The following CUTC variants were observed in gnomAD, a reference collection of about 807,000 sequenced individuals.
The protein encoded by CUTC is cutC copper transporter.
A neutral mutation model predicts 36.2 loss-of-function variants in CUTC; 27 were observed. The observed-to-expected ratio is 0.75, with a 90% confidence interval of 0.55 to 1.03. CUTC has a LOEUF of 1.03. Ranked by LOEUF, CUTC falls within the 50% of genes least tolerant of loss-of-function variation. The pLI is 0.00. For synonymous variants in CUTC, 114 were observed against 118.3 expected, an observed-to-expected ratio of 0.96 and a Z score of 0.24; for missense variants, 315 against 343.5, an observed-to-expected ratio of 0.92 and a Z score of 0.66.
At chr10:99,739,168 C>T (rs2037320426) in intron 2 of CUTC, among the ~76,000 whole-genome samples, 1 of 151,978 alleles carries the variant, frequency 6.6e-6, no homozygotes. Context: ...TATTGATGAA[C>T]AAAATGTTCT....
At chr10:99,733,685 TA>T (rs1462606450) in intron 1 of CUTC, among the ~76,000 whole-genome samples, 2 of 152,234 alleles carry the variant, frequency 1.3e-5, no homozygotes, top group Non-Finnish European at 2.9e-5. Flanking sequence ...AAAAGTCAAA[TA>T]AAGTGTTAGA....
At chr10:99,732,596 C>A in intron 1 of CUTC, 187 bp downstream of exon 1, 1 of 1,434,010 alleles carries the variant, frequency 7.0e-7, no homozygotes, top group Non-Finnish European at 9.1e-7. Flanking sequence ...GGGCAGGTAG[C>A]GAGAATGGCT....
chr10:99,753,172 A>C (rs1367211056), intron 7 of CUTC, among the ~76,000 whole-genome samples: 1 of 152,244 alleles, frequency 6.6e-6, no homozygotes, highest in African/African-American at 2.4e-5. Flanking sequence ...TAACTTAGCA[A>C]CATGTGTTTC....
chr10:99,748,953 G>T (rs1240867402), intron 6 of CUTC, among the ~76,000 whole-genome samples: 4 of 152,164 alleles, frequency 2.6e-5, no homozygotes, highest in African/African-American at 9.6e-5. Context: ...TTATTTTCAT[G>T]GTGCAGCGGG....
Position 99,744,061 on chromosome 10 carries a change from C to T in CUTC, c.428C>T (p.Thr143Ile), listed in dbSNP as rs1361266722. The change falls in exon 5 of 9, where the codon ACT (threonine) becomes ATT (isoleucine). Residue 143 changes from threonine (T) to isoleucine (I), a missense_variant. Physicochemically the swap from Thr to Ile is moderately conservative, Grantham distance 89. Coordinates refer to ENST00000370476, the MANE Select transcript of CUTC (RefSeq NM_015960.3). ...GCTATTTGCCGCCCTCTGCCAGTCA[C>T]TTTCCACCGAGGTGAGTCATTTTCA... is the stretch of plus-strand genomic sequence containing the variant. The part of the protein sequence containing the change: ...LMAICRPLPV[T>I]FHRAFDMVHD... The T allele has an allele frequency of 6.2e-7, 1 of 1,612,464 alleles. No individual in the cohort carries two copies. Among genetic ancestry groups the T allele is most frequent in the South Asian group, 1.1e-5 (1 of 90,984 alleles).
chr10:99,742,563 A>G (rs959587275), intron 3 of CUTC, among the ~76,000 whole-genome samples: 5 of 152,162 alleles, frequency 3.3e-5, no homozygotes, highest in African/African-American at 1.2e-4. Flanking sequence ...CTGGGTAAAC[A>G]ACTGATGGGG....
chr10:99,755,620 T>C lies in CUTC; in HGVS notation c.708-5T>C. 1 of 1,569,912 alleles carries C rather than the reference T, an allele frequency of 6.4e-7. No individual in the cohort carries two copies. Among genetic ancestry groups the C allele is most frequent in the Non-Finnish European group, 8.8e-7 (1 of 1,140,374 alleles). On this transcript the variant is annotated splice_polypyrimidine_tract_variant and splice_region_variant and intron_variant, in intron 8 of 8. Coordinates refer to ENST00000370476, the MANE Select transcript of CUTC (RefSeq NM_015960.3). Reference sequence around the variant, plus strand: ...TTATCTGTTCCTTTATTATTTCTGTTACAGAAATTCATCTGTTGCCATGGG... The same window carrying C: ...TTATCTGTTCCTTTATTATTTCTGTCACAGAAATTCATCTGTTGCCATGGG...
Position 99,755,821 on chromosome 10 carries a change from T to C in CUTC, c.*82T>C. 2 of 885,402 alleles carry C rather than the reference T, an allele frequency of 2.3e-6. No individual in the cohort carries two copies. The highest frequency in any genetic ancestry group is 3.7e-6 in the Non-Finnish European group (2 of 547,086). 54.8% of individuals were successfully genotyped at this position (885,402 alleles called of 1,614,324 possible). The stretch of plus-strand genomic sequence containing the variant: ...AATTCTCTATGACACAGCTTTAACC[T>C]TCTTCTCTGGCCAGGACAGTCGCAA... On this transcript the variant is annotated 3_prime_UTR_variant, in exon 9 of 9. Transcript: ENST00000370476.
At chr10:99,745,755 G>C (rs2037373583) in intron 5 of CUTC, among the ~76,000 whole-genome samples, 1 of 152,192 alleles carries the variant, frequency 6.6e-6, no homozygotes, top group Non-Finnish European at 1.5e-5. Context: ...TACTCGGGAG[G>C]CTGAGGCAGG....
intron 1 of CUTC, among the ~76,000 whole-genome samples, chr10:99,734,316 C>T (rs939610639): frequency 5.3e-5 from 8 of 152,286 alleles, no homozygotes; most frequent in South Asian, 2.1e-4. Flanking sequence ...ATCCGCCCAC[C>T]TTGGCCTCCC....
At chr10:99,754,419 A>G in intron 7 of CUTC, 110 bp from the exon 8 acceptor site, 1 of 734,778 alleles carries the variant, frequency 1.4e-6, no homozygotes, top group Non-Finnish European at 2.4e-6. Context: ...TTTTTGAATC[A>G]ATGAGAAATT....
At chr10:99,751,993 G>A (rs2756092) in intron 7 of CUTC, among the ~76,000 whole-genome samples, 147,170 of 152,318 alleles carry the variant, frequency 0.97, 71,290 homozygotes, top group East Asian at 1. Flanking sequence ...GTTAAATCAT[G>A]AGGTTTGAAT....
At chr10:99,734,377 G>A (rs2037275605) in intron 1 of CUTC, among the ~76,000 whole-genome samples, 1 of 152,168 alleles carries the variant, frequency 6.6e-6, no homozygotes, top group Admixed American at 6.5e-5. Flanking sequence ...GGGACTGATA[G>A]TCTTAAATAA....
Position 99,739,731 on chromosome 10 carries a change from G to A in CUTC, c.155G>A (p.Cys52Tyr), listed in dbSNP as rs747030049. 1.2e-5 allele frequency: 19 copies of A among 1,611,492 alleles called. No homozygotes were observed. Among genetic ancestry groups the A allele is most frequent in the Non-Finnish European group, 1.5e-5 (18 of 1,179,184 alleles). ...ERGGADRIEL[C>Y]SGLSEGGTTP... ...ACAGGTGCTGATCGGATTGAATTAT[G>A]TTCTGGTTTATCAGAGGGGGGAACT... Residue 52 changes from cysteine (C) to tyrosine (Y), a missense_variant, in exon 3 of 9, where the codon TGT becomes TAT. Coordinates refer to ENST00000370476, the MANE Select transcript of CUTC (RefSeq NM_015960.3).
At chr10:99,751,330 C>A (rs909405600) in intron 7 of CUTC, among the ~76,000 whole-genome samples, 1 of 152,028 alleles carries the variant, frequency 6.6e-6, no homozygotes, top group African/African-American at 2.4e-5. Flanking sequence ...AGTCAAGGAA[C>A]AAGCATTACA....
In CUTC at chr10:99,743,322, A is replaced by C. The variant is rs752274445; in HGVS notation, c.363A>C (p.Glu121Asp). 6.2e-7 allele frequency: 1 copy of C among 1,614,186 alleles called. No individual in the cohort carries two copies. The highest frequency in any genetic ancestry group is 2.2e-5 in the East Asian group (1 of 44,878). ...GTTTGGTTTTTGGGGCATTGACTGA[A>C]GATGGACACATTGACAAAGAGCTGT... is the stretch of plus-strand genomic sequence containing the variant. Reference protein sequence around the residue: ...ADGLVFGALTEDGHIDKELCM... With the variant: ...ADGLVFGALTDDGHIDKELCM... The change falls in exon 4 of 9, where the codon GAA (glutamate) becomes GAC (aspartate). Residue 121 changes from glutamate to aspartate, a missense_variant. Glu to Asp is a conservative substitution (Grantham distance 45). Transcript: ENST00000370476.
intron 6 of CUTC, among the ~76,000 whole-genome samples, chr10:99,749,566 T>C (rs1379648613): frequency 6.6e-6 from 1 of 151,880 alleles, no homozygotes; most frequent in Non-Finnish European, 1.5e-5. Context: ...TGGAAAGCCT[T>C]GATTTGGAAG....
In CUTC at chr10:99,755,514, C is replaced by T. The variant is rs74152754; in HGVS notation, c.708-111C>T. On this transcript the variant is annotated intron_variant, in intron 8 of 8. Coordinates refer to ENST00000370476, the MANE Select transcript of CUTC (RefSeq NM_015960.3). ...GATGAAAATTATGGAATATACTAGTCCAGCATACTTGACCTACCCTTGTAT... is the reference window on the plus strand; with the variant it reads ...GATGAAAATTATGGAATATACTAGTTCAGCATACTTGACCTACCCTTGTAT... 4,110 of 670,112 alleles carry T rather than the reference C, an allele frequency of 6.1e-3. 111 individuals carry two copies. In the African/African-American group the frequency reaches 0.065, roughly 11 times the overall value. 41.5% of individuals were successfully genotyped at this position (670,112 alleles called of 1,614,324 possible).
In CUTC at chr10:99,743,294, A is replaced by T. The variant is rs772380984; in HGVS notation, c.335A>T (p.Asp112Val). 6.2e-7 allele frequency: 1 copy of T among 1,614,150 alleles called. No homozygotes were observed. Among genetic ancestry groups the T allele is most frequent in the Non-Finnish European group, 8.5e-7 (1 of 1,180,018 alleles). ...CGTCTTGCCAAGCTTTATGGTGCTG[A>T]TGGTTTGGTTTTTGGGGCATTGACT... The part of the protein sequence containing the change: ...DIRLAKLYGA[D>V]GLVFGALTED... Residue 112 changes from aspartate to valine, a missense_variant, in exon 4 of 9, where the codon GAT becomes GTT. Coordinates refer to ENST00000370476, the MANE Select transcript of CUTC (RefSeq NM_015960.3).
Sources: gnomAD v4.1 joint callset for allele counts (sites outside exome capture counted in the v4.1 genomes callset) on GRCh38, gnomAD v4.1.1 for gene constraint, MANE v1.5 for transcripts, NCBI Gene and HGNC (gene_info 2026-07-23, HGNC 2026-07-21) for gene names.